AHCY: variants seen among roughly 807,000 people sequenced by gnomAD.
AHCY encodes the protein adenosylhomocysteinase, also known as S-adenosyl-L-homocysteine hydrolase.
A neutral mutation model predicts 45.4 loss-of-function variants in AHCY; 24 were observed. The ratio of observed to expected loss-of-function variants is 0.53; its 90% confidence interval spans 0.38 to 0.74. AHCY has a LOEUF of 0.74. Ranked by LOEUF, AHCY falls within the 30% of genes least tolerant of loss-of-function variation. The probability of loss-of-function intolerance (pLI) is 0.00; values close to 1 mark genes in which losing one functional copy is unlikely to be tolerated. For synonymous variants in AHCY, 245 were observed against 235.1 expected (o/e 1.04, Z -0.39); for missense variants, 449 against 594.1 (o/e 0.76, Z 2.54).
chr20:34,245,729 A>T, the AHCY span, among the ~76,000 whole-genome samples: 1 of 152,120 alleles, frequency 6.6e-6, no homozygotes, highest in Non-Finnish European at 1.5e-5. Context: ...CTATTCATGC[A>T]TGAGCATGAC....
chr20:34,234,070 T>C, the AHCY span, among the ~76,000 whole-genome samples: 1 of 152,198 alleles, frequency 6.6e-6, no homozygotes, highest in East Asian at 1.9e-4. Flanking sequence ...TTGATGATGG[T>C]GTCACCATGT....
rs59260650 is a variant in AHCY at position 34,294,241 on chromosome 20, G to A, written c.220-85C>T. 202 of 1,236,512 alleles carry A rather than the reference G, an allele frequency of 1.6e-4. 2 individuals are homozygous for A. The East Asian group carries it at 3.5e-3, about 22-fold the overall frequency. The allele number at this position is 1,236,512 out of a possible 1,614,324, so 76.6% of individuals were successfully genotyped here. A position where few individuals can be genotyped will look rare whatever the true frequency, so the allele number is the denominator to read the frequency against. On this transcript the variant is annotated intron_variant, in intron 2 of 9. Coordinates refer to ENST00000217426, the MANE Select transcript of AHCY (RefSeq NM_000687.4). ...CTGGGCGAGGAAAAGGGAGAGCTTC[G>A]GGTAGTGGGGAGAGGCTTGGGATCT...
At chr20:34,301,593 A>G (rs1334222477) in intron 1 of AHCY, among the ~76,000 whole-genome samples, 2 of 152,212 alleles carry the variant, frequency 1.3e-5, no homozygotes, top group Non-Finnish European at 2.9e-5. Context: ...TCTGGCATAC[A>G]GCAGGGCCTC....
the AHCY span, chr20:34,262,787 G>A: frequency 1.9e-6 from 3 of 1,609,916 alleles, no homozygotes; most frequent in South Asian, 1.1e-5. Context: ...GCAGCTCAAC[G>A]TCCCCAGAAA....
At position 34,290,700 on chromosome 20, in the gene AHCY, T is replaced by G. The variant is rs1305282344; in HGVS notation, c.766+31A>C. 3.7e-6 allele frequency: 6 copies of G among 1,613,670 alleles called. No individual in the cohort carries two copies. The highest frequency in any genetic ancestry group is 5.1e-6 in the Non-Finnish European group (6 of 1,179,964). On this transcript the variant is annotated intron_variant, in intron 6 of 9. Transcript: ENST00000217426. This position sits in a 1 kb window ranked among gnomAD's most constrained non-coding sequence, Gnocchi z 4.5. The stretch of plus-strand genomic sequence containing the variant: ...GCCTTGCCCCTCCCTCTGGCCCCAG[T>G]GGCTGACAACCAACCCTTGCCCTAT...
the AHCY span, among the ~76,000 whole-genome samples, chr20:34,254,577 A>T: frequency 6.6e-6 from 1 of 152,204 alleles, no homozygotes; most frequent in East Asian, 1.9e-4. Flanking sequence ...TCCCGAATTG[A>T]TGTGAATCAA....
At chr20:34,275,157 G>C in the AHCY span, among the ~76,000 whole-genome samples, 4 of 143,002 alleles carry the variant, frequency 2.8e-5, no homozygotes, top group Admixed American at 2.9e-4. Flanking sequence ...TTTTGAGATG[G>C]AGTCTCGCTC....
chr20:34,299,461 G>A (rs141857892), intron 1 of AHCY, among the ~76,000 whole-genome samples: 1 of 152,126 alleles, frequency 6.6e-6, no homozygotes, highest in Non-Finnish European at 1.5e-5. Context: ...ACAGACTTTA[G>A]GGTTTGGGGG....
the AHCY span, among the ~76,000 whole-genome samples, chr20:34,251,332 G>A: frequency 1.3e-5 from 2 of 151,306 alleles, no homozygotes; most frequent in Admixed American, 6.6e-5. Flanking sequence ...GTGCAGTGGC[G>A]TGATGTCGGC....
chr20:34,299,733 C>T (rs553578033), intron 1 of AHCY, among the ~76,000 whole-genome samples: 1 of 152,318 alleles, frequency 6.6e-6, no homozygotes, highest in Admixed American at 6.5e-5. Flanking sequence ...CCCAATCTTC[C>T]CATTTTAGGA....
At chr20:34,302,980 C>A (rs1392289813) in intron 1 of AHCY, 4 of 985,348 alleles carry the variant, frequency 4.1e-6, no homozygotes, top group Non-Finnish European at 4.8e-6. Flanking sequence ...CGGAGCACGC[C>A]GCCAGTTTGC....
intron 3 of AHCY, 71 bp from the exon 4 acceptor site, chr20:34,292,578 G>A (rs2122769608): frequency 6.2e-7 from 1 of 1,605,350 alleles, no homozygotes; most frequent in South Asian, 1.1e-5. Context: ...AACTCTGGCA[G>A]AGCCAAAACT....
At chr20:34,279,626 A>G (rs1273564404), downstream of AHCY, among the ~76,000 whole-genome samples, 1 of 152,150 alleles carries the variant, frequency 6.6e-6, no homozygotes, top group African/African-American at 2.4e-5. Context: ...AACTTATGCA[A>G]CTTAAACTAT....
In AHCY at chr20:34,291,731, T is replaced by G. The variant is rs117545512; in HGVS notation, c.446-200A>C. Reference sequence around the variant, plus strand: ...ACAGGGAAGCCACCACCAGGCCTAGTGACTCTGCCTCCGAACAACTCCCAG... The same window carrying G: ...ACAGGGAAGCCACCACCAGGCCTAGGGACTCTGCCTCCGAACAACTCCCAG... On this transcript the variant is annotated intron_variant, in intron 4 of 9. Coordinates refer to ENST00000217426, the MANE Select transcript of AHCY (RefSeq NM_000687.4). Among the ~76,000 whole-genome samples, 16 of 152,286 alleles carry G rather than the reference T, an allele frequency of 1.1e-4. No homozygotes were observed. In the East Asian group the frequency reaches 2.7e-3, roughly 26 times the overall value.
At chr20:34,299,350 T>C (rs1044622296) in intron 1 of AHCY, among the ~76,000 whole-genome samples, 4 of 152,184 alleles carry the variant, frequency 2.6e-5, no homozygotes, top group African/African-American at 9.7e-5. Context: ...GCAGCACAGA[T>C]TGCATGAATG....
At position 34,290,422 on chromosome 20, in the gene AHCY, G is replaced by A. The variant is rs376464023; in HGVS notation, c.882C>T (p.Ala294=). 2 of 1,614,208 alleles carry A rather than the reference G, an allele frequency of 1.2e-6. No individual in the cohort carries two copies. The highest frequency in any genetic ancestry group is 1.3e-5 in the African/African-American group (1 of 75,054). Residue 294 remains alanine (A), a synonymous_variant, in exon 8 of 10, where the codon GCC becomes GCT. Transcript: ENST00000217426. This position sits in a 1 kb window ranked among gnomAD's most constrained non-coding sequence, Gnocchi z 4.5. ...GRHFEQMKDD[A]IVCNIGHFDV... Reference sequence around the variant, plus strand: ...CAAAGTGTCCAATGTTACACACAATGGCATCATCCTTCATCTGCTCAAAGT... The same window carrying A: ...CAAAGTGTCCAATGTTACACACAATAGCATCATCCTTCATCTGCTCAAAGT...
the AHCY span, among the ~76,000 whole-genome samples, chr20:34,239,810 C>T: frequency 2.0e-5 from 3 of 152,136 alleles, no homozygotes; most frequent in Non-Finnish European, 4.4e-5. Context: ...GTGTGCCATC[C>T]CCTATCCCAC....
intron 8 of AHCY, among the ~76,000 whole-genome samples, chr20:34,285,866 C>T (rs1007319044): frequency 6.6e-6 from 1 of 152,182 alleles, no homozygotes; most frequent in South Asian, 2.1e-4. Context: ...TTTGGAAGGC[C>T]GAGGCAGGCG....
intron 8 of AHCY, 23 bp from the exon 9 acceptor site, chr20:34,285,657 T>C (rs2036155729): frequency 1.2e-6 from 2 of 1,610,860 alleles, no homozygotes; most frequent in Non-Finnish European, 1.7e-6. Flanking sequence ...AGGGCAACAG[T>C]GAAGGCAGGC....
Sources: gnomAD v4.1 joint callset for allele counts (sites outside exome capture counted in the v4.1 genomes callset) on GRCh38, gnomAD v4.1.1 for gene constraint, Gnocchi (gnomAD v3.1) non-coding constraint, MANE v1.5 for transcripts, NCBI Gene and HGNC (gene_info 2026-07-23, HGNC 2026-07-21) for gene names.